Variants in ARHGAP39 observed in about 807,000 individuals in gnomAD.
ARHGAP39 encodes the protein Rho GTPase activating protein 39.
Under a neutral mutation model 106.9 loss-of-function variants are expected in ARHGAP39, and 44 were observed. That is an observed-to-expected ratio of 0.41 (90% CI 0.32 to 0.53). The LOEUF is 0.53. Among genes scored for constraint, ARHGAP39 ranks in the 20% least tolerant of loss-of-function variants. ARHGAP39 has a pLI of 0.21. For synonymous variants in ARHGAP39, 768 were observed against 693.2 expected (o/e 1.11, Z -1.69); for missense variants, 1,496 against 1,577.3 (o/e 0.95, Z 0.87).
rs1282233669 is a variant in ARHGAP39 at position 144,644,488 on chromosome 8, C to T, written c.-81-38793G>A. ...ATGGCTGCACGACTCTACAAATTTACTAAAAACCATGGGATTATATACTTG... is the reference window on the plus strand; with the variant it reads ...ATGGCTGCACGACTCTACAAATTTATTAAAAACCATGGGATTATATACTTG... On this transcript the variant is annotated intron_variant, in intron 1 of 11. Transcript: ENST00000377307. This position sits in a 1 kb window ranked among gnomAD's most constrained non-coding sequence, Gnocchi z 4.8. 6.6e-6 allele frequency among the ~76,000 whole-genome samples: 1 copy of T among 152,158 alleles called. No homozygotes were observed. The highest frequency in any genetic ancestry group is 1.5e-5 in the Non-Finnish European group (1 of 68,034).
intron 7 of ARHGAP39, 121 bp from the exon 8 acceptor site, chr8:144,534,323 AC>A (rs928940974): frequency 1.1e-5 from 12 of 1,069,056 alleles, no homozygotes; most frequent in Non-Finnish European, 1.7e-5. Flanking sequence ...TGCCCCGGTC[AC>A]CCCCTGCCCA....
intron 1 of ARHGAP39, among the ~76,000 whole-genome samples, chr8:144,620,078 C>G (rs1269749876): frequency 1.5e-5 from 2 of 135,514 alleles, no homozygotes; most frequent in Non-Finnish European, 3.1e-5. Context: ...CTGTGTGTGC[C>G]CGAGTGTGCG....
intron 9 of ARHGAP39, 104 bp from the exon 10 acceptor site, chr8:144,532,500 G>A (rs1816769283): frequency 9.5e-7 from 1 of 1,056,870 alleles, no homozygotes; most frequent in Admixed American, 2.2e-5. Context: ...CCGGGGAGGG[G>A]AGCAAAACCT....
At chr8:144,635,674 T>C (rs1246994996) in intron 1 of ARHGAP39, among the ~76,000 whole-genome samples, 1 of 152,174 alleles carries the variant, frequency 6.6e-6, no homozygotes, top group African/African-American at 2.4e-5. Flanking sequence ...AGCTGAGCGC[T>C]TACCCGGTGG....
rs566598529 is a variant in ARHGAP39, at chr8:144,536,152, C to T, written c.2614+1569G>A. ...CTGCTCTGAGCCCACTGCCCTGATC[C>T]GGCCTTGCCTGGACCTCAGCCCTCA... On this transcript the variant is annotated intron_variant, in intron 7 of 11. Transcript: ENST00000377307. Among the ~76,000 whole-genome samples, 8 of 152,314 alleles carry T rather than the reference C, an allele frequency of 5.3e-5. No homozygotes were observed. The South Asian group carries it at 1.0e-3, about 20-fold the overall frequency.
intron 7 of ARHGAP39, among the ~76,000 whole-genome samples, chr8:144,535,677 G>A (rs1376557014): frequency 1.3e-5 from 2 of 152,220 alleles, no homozygotes; most frequent in Non-Finnish European, 2.9e-5. Context: ...GACAGGCCCT[G>A]ATCTCCTGTC....
intron 4 of ARHGAP39, among the ~76,000 whole-genome samples, chr8:144,551,192 G>C (rs1307272731): frequency 6.6e-6 from 1 of 151,124 alleles, no homozygotes; most frequent in East Asian, 2.0e-4. Flanking sequence ...TCTGCTGTCC[G>C]TCTAGGGTTG....
Position 144,565,317 on chromosome 8 carries a change from G to A in ARHGAP39, c.513-9674C>T, listed in dbSNP as rs941157547. Among the ~76,000 whole-genome samples, 111 of 152,092 alleles carry A rather than the reference G, an allele frequency of 7.3e-4. 1 individual carries two copies. Among genetic ancestry groups the A allele is most frequent in the East Asian group, 2.1e-3 (11 of 5,162 alleles). On this transcript the variant is annotated intron_variant, in intron 3 of 11. Coordinates refer to ENST00000377307, the MANE Select transcript of ARHGAP39 (RefSeq NM_025251.3). ...AAACCCACCACTAGAAAGAAAAAAC[G>A]CTTCGTGAATTTGAAAGCACAACAA...
intron 3 of ARHGAP39, among the ~76,000 whole-genome samples, chr8:144,558,273 T>C (rs1818019553): frequency 1.3e-5 from 2 of 152,188 alleles, no homozygotes; most frequent in African/African-American, 4.8e-5. Flanking sequence ...AATTAGTTAA[T>C]ATGTTTAATG....
intron 1 of ARHGAP39, among the ~76,000 whole-genome samples, chr8:144,640,371 T>C (rs1821282374): frequency 6.6e-6 from 1 of 152,158 alleles, no homozygotes; most frequent in Non-Finnish European, 1.5e-5. Context: ...GTCTTTCCCA[T>C]GCTGTTTTCG....
rs753442265 is a variant in ARHGAP39, at chr8:144,548,438, C to T, written c.648G>A (p.Lys216=). The T allele has an allele frequency of 1.9e-6, 3 of 1,610,898 alleles. No homozygotes were observed. Among genetic ancestry groups the T allele is most frequent in the African/African-American group, 1.3e-5 (1 of 75,028 alleles). Residue 216 remains lysine (K), a synonymous_variant, in exon 5 of 12, where the codon AAG becomes AAA. Transcript: ENST00000377307. This position sits in a 1 kb window ranked among gnomAD's most constrained non-coding sequence, Gnocchi z 7.4. ...GGAAGCTGGGCTCCCGATCAGCGACCTTGATGAGCATGCGCTCTTTGGCGC... is the reference window on the plus strand; with the variant it reads ...GGAAGCTGGGCTCCCGATCAGCGACTTTGATGAGCATGCGCTCTTTGGCGC... The part of the protein sequence containing the change: ...NSGAKERMLI[K]VADREPSFLA...
chr8:144,542,223 G>A (rs1247896126), intron 6 of ARHGAP39, among the ~76,000 whole-genome samples: 5 of 152,232 alleles, frequency 3.3e-5, no homozygotes, highest in African/African-American at 7.2e-5. Context: ...TGTCTGTGTC[G>A]AGAACCTGTT....
intron 1 of ARHGAP39, among the ~76,000 whole-genome samples, chr8:144,685,080 C>T (rs1822544531): frequency 6.6e-6 from 1 of 151,886 alleles, no homozygotes; most frequent in Non-Finnish European, 1.5e-5. Flanking sequence ...CCACACCCAC[C>T]ACGGGCGGGG....
At position 144,538,114 on chromosome 8, in the gene ARHGAP39, G is replaced by A. The variant is rs1817039940; in HGVS notation, c.2522-301C>T. Among the ~76,000 whole-genome samples the A allele has an allele frequency of 5.3e-5, 8 of 152,354 alleles. No homozygotes were observed. In the South Asian group the frequency reaches 1.7e-3, roughly 32 times the overall value. On this transcript the variant is annotated intron_variant, in intron 6 of 11. Transcript: ENST00000377307. ...CAGGGAAGGCGCCTGGGGAGCAGGA[G>A]GAGAGCAGGCAGCTTCTGCCCTCTG...
At chr8:144,594,961 C>T in intron 2 of ARHGAP39, among the ~76,000 whole-genome samples, 1 of 152,020 alleles carries the variant, frequency 6.6e-6, no homozygotes, top group East Asian at 1.9e-4. Context: ...AGGATCGCTT[C>T]AGCCTGGGAG....
chr8:144,539,138 T>C (rs1045896190), intron 6 of ARHGAP39, among the ~76,000 whole-genome samples: 6 of 152,198 alleles, frequency 3.9e-5, no homozygotes, highest in Non-Finnish European at 7.3e-5. Flanking sequence ...GGGTGTGCGA[T>C]GTGCTTACTG....
At chr8:144,692,135 T>C in the ARHGAP39 span, among the ~76,000 whole-genome samples, 1 of 152,122 alleles carries the variant, frequency 6.6e-6, no homozygotes, top group African/African-American at 2.4e-5. Context: ...CCCACAGCCT[T>C]TGGCTTCCCT....
chr8:144,678,078 C>A lies in ARHGAP39; in HGVS notation c.-82+7608G>T, dbSNP rs527326070. On this transcript the variant is annotated intron_variant, in intron 1 of 11. Coordinates refer to ENST00000377307, the MANE Select transcript of ARHGAP39 (RefSeq NM_025251.3). ...AATCATCTTTACTGAAGCCAGTGCT[C>A]AAAGAAAATGTTGCAATCTGCAGCA... Among the ~76,000 whole-genome samples, 107 of 152,178 alleles carry A rather than the reference C, an allele frequency of 7.0e-4. 5 individuals are homozygous for A. The South Asian group carries it at 0.02, about 29-fold the overall frequency.
chr8:144,605,256 G>A (rs1186379397), intron 2 of ARHGAP39, among the ~76,000 whole-genome samples: 1 of 152,130 alleles, frequency 6.6e-6, no homozygotes, highest in Non-Finnish European at 1.5e-5. Context: ...GTGAGACCCT[G>A]TCTCCTCAAG....
Sources: allele counts gnomAD v4.1 joint callset (sites outside exome capture counted in the v4.1 genomes callset), GRCh38; gene constraint gnomAD v4.1.1; non-coding constraint Gnocchi (gnomAD v3.1); transcripts MANE v1.5; gene names NCBI Gene and HGNC (gene_info 2026-07-23, HGNC 2026-07-21).